DDX10: variants seen among roughly 807,000 people sequenced by gnomAD.
DDX10 encodes the protein probable ATP-dependent RNA helicase DDX10.
In DDX10, 74 loss-of-function variants were observed where a neutral mutation model predicts 104.3. That is an observed-to-expected ratio of 0.71 (90% CI 0.59 to 0.86). The LOEUF (loss-of-function observed/expected upper bound fraction) is 0.86. Ranked by LOEUF, DDX10 falls within the 40% of genes least tolerant of loss-of-function variation. DDX10 has a pLI of 0.00. For missense variants in DDX10, 952 were observed against 1,040.0 expected, an observed-to-expected ratio of 0.92 and a Z score of 1.16; for synonymous variants, 351 against 353.4, an observed-to-expected ratio of 0.99 and a Z score of 0.08.
At chr11:108,876,543 G>A (rs554276058) in intron 16 of DDX10, among the ~76,000 whole-genome samples, 1 of 152,238 alleles carries the variant, frequency 6.6e-6, no homozygotes, top group African/African-American at 2.4e-5. Context: ...ATTGACTTTT[G>A]AGACACATAG....
chr11:108,775,677 ATTTTTG>A (rs1408633785), intron 13 of DDX10, among the ~76,000 whole-genome samples: 2 of 152,144 alleles, frequency 1.3e-5, no homozygotes, highest in African/African-American at 4.8e-5. Context: ...CTTATTCTCT[ATTTTTG>A]TTTTTGTTAC....
intron 13 of DDX10, among the ~76,000 whole-genome samples, chr11:108,790,070 G>A (rs1861849788): frequency 6.6e-6 from 1 of 152,126 alleles, no homozygotes. Flanking sequence ...CCACTCAGGG[G>A]TTTATAAATC....
At chr11:108,716,039 A>G (rs2094290864) in intron 11 of DDX10, 73 bp downstream of exon 11, 1 of 829,312 alleles carries the variant, frequency 1.2e-6, no homozygotes, top group Middle Eastern at 3.3e-4. Context: ...TGCTACTTCT[A>G]GGTTGCATGT....
chr11:108,879,436 T>C (rs1348412636), intron 16 of DDX10, among the ~76,000 whole-genome samples: 1 of 152,196 alleles, frequency 6.6e-6, no homozygotes, highest in Non-Finnish European at 1.5e-5. Context: ...CTTCTTCAAA[T>C]TTCTGTAGTG....
chr11:108,785,515 G>C (rs1005962628), intron 13 of DDX10, among the ~76,000 whole-genome samples: 1 of 152,182 alleles, frequency 6.6e-6, no homozygotes, highest in Non-Finnish European at 1.5e-5. Flanking sequence ...AGATTCAGTA[G>C]TACTGATATC....
intron 13 of DDX10, among the ~76,000 whole-genome samples, chr11:108,820,897 A>G (rs1338345509): frequency 6.6e-6 from 1 of 152,232 alleles, no homozygotes; most frequent in Non-Finnish European, 1.5e-5. Context: ...TTTCTATGCT[A>G]TTTAAGCAAA....
At chr11:108,757,097 C>T (rs1278604295) in intron 13 of DDX10, among the ~76,000 whole-genome samples, 9 of 142,008 alleles carry the variant, frequency 6.3e-5, no homozygotes, top group Non-Finnish European at 3.0e-5. Flanking sequence ...CAGGGGAAGG[C>T]GCTGCTGAGG....
intron 13 of DDX10, among the ~76,000 whole-genome samples, chr11:108,778,162 A>G (rs543191407): frequency 6.6e-6 from 1 of 152,304 alleles, no homozygotes; most frequent in East Asian, 1.9e-4. Context: ...TCAAGCTCCA[A>G]TGACTTTCTT....
chr11:108,936,463 C>T (rs553557041), intron 17 of DDX10, among the ~76,000 whole-genome samples: 24 of 152,012 alleles, frequency 1.6e-4, no homozygotes, highest in African/African-American at 5.8e-4. Flanking sequence ...TTCTTTATTG[C>T]AAAGAGTAAT....
intron 13 of DDX10, among the ~76,000 whole-genome samples, chr11:108,761,882 T>C (rs2094351270): frequency 6.6e-6 from 1 of 152,152 alleles, no homozygotes. Flanking sequence ...GTATTAAGAA[T>C]GGAAAATAAG....
intron 13 of DDX10, chr11:108,822,711 C>T (rs1448034149): frequency 6.5e-6 from 1 of 153,116 alleles, no homozygotes; most frequent in Non-Finnish European, 1.5e-5. Context: ...GGATGTCCCG[C>T]TCTTTTGAAA....
intron 16 of DDX10, among the ~76,000 whole-genome samples, chr11:108,892,144 A>G (rs746059596): frequency 9.9e-5 from 15 of 152,106 alleles, no homozygotes; most frequent in Non-Finnish European, 1.2e-4. Context: ...AGTGAGGCCT[A>G]GTGGGAGGTG....
At chr11:108,918,922 A>G (rs555264945) in intron 17 of DDX10, 4 of 152,314 alleles carry the variant, frequency 2.6e-5, no homozygotes, top group African/African-American at 9.6e-5. Context: ...TAGAGTTAGT[A>G]TGATTGAAGG....
intron 14 of DDX10, among the ~76,000 whole-genome samples, chr11:108,839,296 C>G (rs899778559): frequency 1.3e-5 from 2 of 152,140 alleles, no homozygotes; most frequent in African/African-American, 4.8e-5. Flanking sequence ...CATATTAGCA[C>G]AGAGCACCTT....
rs1340358401 is a variant in DDX10, at chr11:108,841,325, A to G, written c.2096A>G (p.Gln699Arg). ...TTTTTTTACCTGTAGTTGGTTCAGC[A>G]GTGGCCACAAATGCAGAAATCTGCC... ...TFTDEGELVQQWPQMQKSAIK... is the reference protein window; with the variant it reads ...TFTDEGELVQRWPQMQKSAIK... Residue 699 changes from glutamine (Q) to arginine (R), a missense_variant, in exon 15 of 18, where the codon CAG becomes CGG. By Grantham distance (43) the Gln-to-Arg change is conservative. Around this residue, in one of 3 missense-constraint regions of DDX10, gnomAD observed 533 missense variants for 534.1 expected, o/e 1.00. Coordinates refer to ENST00000322536, the MANE Select transcript of DDX10 (RefSeq NM_004398.4). 1.9e-6 allele frequency: 3 copies of G among 1,612,440 alleles called. No individual in the cohort carries two copies. Among genetic ancestry groups the G allele is most frequent in the South Asian group, 1.1e-5 (1 of 90,952 alleles).
intron 1 of DDX10, among the ~76,000 whole-genome samples, chr11:108,673,136 A>G (rs930476966): frequency 6.6e-6 from 1 of 152,260 alleles, no homozygotes; most frequent in African/African-American, 2.4e-5. Context: ...GAAGGATGAT[A>G]GGAAGTAAAT....
chr11:108,854,845 C>T (rs1400436604), intron 16 of DDX10, among the ~76,000 whole-genome samples: 2 of 152,016 alleles, frequency 1.3e-5, no homozygotes, highest in Non-Finnish European at 2.9e-5. Context: ...AATGAATCTT[C>T]TCTGGCATAT....
chr11:108,676,699 C>T (rs1489808311), intron 3 of DDX10, among the ~76,000 whole-genome samples: 3 of 152,208 alleles, frequency 2.0e-5, no homozygotes, highest in Admixed American at 6.5e-5. Context: ...CACCCGCCTC[C>T]TCCTCCAAAG....
At chr11:108,890,902 G>T (rs1426019482) in intron 16 of DDX10, among the ~76,000 whole-genome samples, 1 of 152,152 alleles carries the variant, frequency 6.6e-6, no homozygotes, top group South Asian at 2.1e-4. Flanking sequence ...GCTCTGAACT[G>T]CTAGATGTGA....
Sources: allele counts gnomAD v4.1 joint callset (sites outside exome capture counted in the v4.1 genomes callset), GRCh38; gene constraint gnomAD v4.1.1; regional missense constraint gnomAD v4.1.1; transcripts MANE v1.5; gene names NCBI Gene and HGNC (gene_info 2026-07-23, HGNC 2026-07-21).